The following ARHGAP39 variants were observed in gnomAD, a reference collection of about 807,000 sequenced individuals.
ARHGAP39 encodes Rho GTPase activating protein 39.
A neutral mutation model predicts 106.9 loss-of-function variants in ARHGAP39; 44 were observed. The observed-to-expected ratio is 0.41, with a 90% CI of 0.32 to 0.53. The LOEUF (loss-of-function observed/expected upper bound fraction) is 0.53, where lower values mean the gene tolerates loss of function less well. ARHGAP39 is among the 20% of genes least tolerant of loss of function. ARHGAP39 has a pLI of 0.21. For missense variants in ARHGAP39, 1,496 were observed against 1,577.3 expected, an observed-to-expected ratio of 0.95 and a Z score of 0.87; for synonymous variants, 768 against 693.2, an observed-to-expected ratio of 1.11 and a Z score of -1.69.
rs549276958 is a variant in ARHGAP39 at position 144,601,466 on chromosome 8, G to A, written c.80+4069C>T. Among the ~76,000 whole-genome samples the A allele has an allele frequency of 2.4e-3, 346 of 144,032 alleles. 1 individual carries two copies. The highest frequency in any genetic ancestry group is 3.9e-3 in the African/African-American group (149 of 37,886). 94.5% of individuals were successfully genotyped at this position (144,032 alleles called of 152,430 possible). The stretch of plus-strand genomic sequence containing the variant: ...TGTACCTGTGTGCATGTGCGTGGAG[G>A]TGTGTGTGCGAGCTCATGTACCTGT... On this transcript the variant is annotated intron_variant, in intron 2 of 11. Transcript: ENST00000377307.
intron 3 of ARHGAP39, among the ~76,000 whole-genome samples, chr8:144,563,023 A>G (rs937943634): frequency 2.0e-5 from 3 of 152,270 alleles, no homozygotes; most frequent in Admixed American, 1.3e-4. Flanking sequence ...TGGAACAACT[A>G]GAACACACAG....
At chr8:144,569,947 G>A (rs776378174) in intron 3 of ARHGAP39, among the ~76,000 whole-genome samples, 4 of 152,166 alleles carry the variant, frequency 2.6e-5, no homozygotes, top group South Asian at 4.1e-4. Flanking sequence ...GAGGCTGGGC[G>A]CGGTGGCTCA....
intron 3 of ARHGAP39, among the ~76,000 whole-genome samples, chr8:144,560,162 A>G (rs59934271): frequency 0.093 from 14,145 of 152,346 alleles, 1,545 homozygotes; most frequent in African/African-American, 0.26. Context: ...TGCCGGGCAC[A>G]GTGACTCACG....
intron 1 of ARHGAP39, among the ~76,000 whole-genome samples, chr8:144,613,714 C>T (rs1340702622): frequency 6.6e-6 from 1 of 151,834 alleles, no homozygotes; most frequent in African/African-American, 2.4e-5. Context: ...ATTTCTTGTG[C>T]TCAGGGGTCC....
chr8:144,581,738 TC>T (rs1819000460), intron 2 of ARHGAP39, among the ~76,000 whole-genome samples: 1 of 152,150 alleles, frequency 6.6e-6, no homozygotes, highest in Admixed American at 6.5e-5. Flanking sequence ...GCTGCTGGAC[TC>T]CCAAGCTGTG....
intron 7 of ARHGAP39, among the ~76,000 whole-genome samples, chr8:144,537,492 T>C (rs1817004831): frequency 1.3e-5 from 2 of 151,930 alleles, no homozygotes; most frequent in African/African-American, 4.8e-5. Flanking sequence ...AGCAAGCAAG[T>C]TGGAAATGGC....
At chr8:144,698,561 C>G in the ARHGAP39 span, 1 of 263,034 alleles carries the variant, frequency 3.8e-6, no homozygotes, top group Non-Finnish European at 7.5e-6. Flanking sequence ...CTGGAGCCAT[C>G]TAGAGCTTTC....
intron 2 of ARHGAP39, among the ~76,000 whole-genome samples, chr8:144,602,983 CTG>C (rs1441836569): frequency 9.7e-5 from 12 of 123,548 alleles, no homozygotes; most frequent in Non-Finnish European, 1.4e-4. Flanking sequence ...GCTCGTGTAC[CTG>C]TGTGCATGTG....
intron 2 of ARHGAP39, among the ~76,000 whole-genome samples, chr8:144,599,363 G>A (rs999542706): frequency 6.6e-6 from 1 of 152,142 alleles, no homozygotes; most frequent in Non-Finnish European, 1.5e-5. Context: ...TGATGTCTAG[G>A]GGATGTTTTA....
the ARHGAP39 span, among the ~76,000 whole-genome samples, chr8:144,697,509 TTTTTTC>T: frequency 2.0e-5 from 3 of 152,156 alleles, no homozygotes; most frequent in African/African-American, 2.4e-5. Context: ...TGGAATGCTG[TTTTTTC>T]TTTTTCTTTT....
intron 1 of ARHGAP39, among the ~76,000 whole-genome samples, chr8:144,661,663 G>A (rs1192371823): frequency 6.6e-6 from 1 of 152,132 alleles, no homozygotes. Context: ...TGAGACTATA[G>A]GTGGGAGCCA....
intron 3 of ARHGAP39, among the ~76,000 whole-genome samples, chr8:144,566,562 T>C (rs147953420): frequency 3.9e-4 from 60 of 151,912 alleles, no homozygotes; most frequent in African/African-American, 1.3e-3. Context: ...CTCAAAAAAA[T>C]AGAATGAAAT....
chr8:144,681,962 T>A (rs191433919), intron 1 of ARHGAP39, among the ~76,000 whole-genome samples: 1 of 152,314 alleles, frequency 6.6e-6, no homozygotes, highest in South Asian at 2.1e-4. Flanking sequence ...CACTATGTTC[T>A]GAAACAAGTT....
rs371369532 is a variant in ARHGAP39 at position 144,548,029 on chromosome 8, G to A, written c.1057C>T (p.Pro353Ser). 1.6e-5 allele frequency: 25 copies of A among 1,606,828 alleles called. No homozygotes were observed. In the Admixed American group the frequency reaches 2.3e-4, roughly 15 times the overall value. Residue 353 changes from proline to serine, a missense_variant, in exon 5 of 12, where the codon CCC becomes TCC. By Grantham distance (74) the Pro-to-Ser change is moderately conservative (BLOSUM62 -1). Around this residue, in one of 4 missense-constraint regions of ARHGAP39, gnomAD observed 905 missense variants for 816.4 expected, o/e 1.11. Transcript: ENST00000377307. This position sits in a 1 kb window ranked among gnomAD's most constrained non-coding sequence, Gnocchi z 7.4. ...TTGTTGGGCTGGAGGAACGGCCGGGGCTTACGGCCCGGCGACCGCTGGGGA... is the reference window on the plus strand; with the variant it reads ...TTGTTGGGCTGGAGGAACGGCCGGGACTTACGGCCCGGCGACCGCTGGGGA... ...GSPQRSPGRK[P>S]RPFLQPNKQG...
intron 1 of ARHGAP39, among the ~76,000 whole-genome samples, chr8:144,642,095 T>C (rs1343831396): frequency 1.3e-5 from 2 of 152,208 alleles, no homozygotes; most frequent in African/African-American, 4.8e-5. Context: ...CTCAGCACTT[T>C]GGGATGCTGA....
chr8:144,620,285 T>C (rs1393149826), intron 1 of ARHGAP39, among the ~76,000 whole-genome samples: 1 of 100,528 alleles, frequency 9.9e-6, no homozygotes. Flanking sequence ...CCGTGTCTGT[T>C]AGCCTGTGTG....
At chr8:144,578,376 G>T (rs908882444) in intron 3 of ARHGAP39, among the ~76,000 whole-genome samples, 3 of 152,162 alleles carry the variant, frequency 2.0e-5, no homozygotes, top group African/African-American at 7.2e-5. Context: ...TTACAGGTGT[G>T]AACAACCACT....
upstream of ARHGAP39, among the ~76,000 whole-genome samples, chr8:144,686,936 T>C (rs1822609440): frequency 2.1e-5 from 1 of 48,126 alleles, no homozygotes. Flanking sequence ...GGCGACCATT[T>C]CCCACCCCTG....
chr8:144,542,296 G>GAGAC (rs1019351261), intron 6 of ARHGAP39, among the ~76,000 whole-genome samples: 2 of 152,216 alleles, frequency 1.3e-5, no homozygotes, highest in African/African-American at 4.8e-5. Context: ...GAGCACCCAT[G>GAGAC]AGACAAGGCT....
Sources: gnomAD v4.1 joint callset for allele counts (sites outside exome capture counted in the v4.1 genomes callset) on GRCh38, gnomAD v4.1.1 for gene constraint, gnomAD v4.1.1 regional missense constraint, Gnocchi (gnomAD v3.1) non-coding constraint, MANE v1.5 for transcripts, NCBI Gene and HGNC (gene_info 2026-07-23, HGNC 2026-07-21) for gene names.